The following ANKRD36 variants were observed in gnomAD, a reference collection of about 807,000 sequenced individuals.
ANKRD36 encodes the protein ankyrin repeat domain 36.
Under a neutral mutation model 278.1 loss-of-function variants are expected in ANKRD36, and 179 were observed. The observed-to-expected ratio is 0.64, with a 90% CI of 0.57 to 0.73. The LOEUF (loss-of-function observed/expected upper bound fraction) is 0.73. Among genes scored for constraint, ANKRD36 ranks in the 30% least tolerant of loss-of-function variants. ANKRD36 has a pLI of 0.00. For synonymous variants in ANKRD36, 320 were observed against 641.1 expected, an observed-to-expected ratio of 0.50 and a Z score of 7.57; for missense variants, 1,159 against 1,956.7, an observed-to-expected ratio of 0.59 and a Z score of 7.69.
chr2:97,233,520 T>C (rs944735757), intron 67 of ANKRD36, among the ~76,000 whole-genome samples: 1 of 152,074 alleles, frequency 6.6e-6, no homozygotes, highest in Non-Finnish European at 1.5e-5. Context: ...GTTTTCTAAA[T>C]AGCACAGGAA....
chr2:97,154,785 C>G, intron 15 of ANKRD36, 44 bp downstream of exon 15: 1 of 1,389,588 alleles, frequency 7.2e-7, no homozygotes, highest in Non-Finnish European at 9.7e-7. Flanking sequence ...TTCTGAATCT[C>G]ATTTTTTGTA....
At chr2:97,127,043 A>T in intron 5 of ANKRD36, 24 bp from the exon 6 acceptor site, 2 of 947,736 alleles carry the variant, frequency 2.1e-6, no homozygotes, top group Non-Finnish European at 3.1e-6. Flanking sequence ...TTAAAATATT[A>T]ATTTCATTTA....
At chr2:97,158,209 CTT>C in intron 16 of ANKRD36, 42 bp downstream of exon 16, 1 of 1,341,810 alleles carries the variant, frequency 7.5e-7, no homozygotes, top group Non-Finnish European at 1.0e-6. Flanking sequence ...TCTACTGAAT[CTT>C]TTTTTTTCTT....
chr2:97,123,636 T>TAA lies in ANKRD36; in HGVS notation c.593+644_593+645dup, dbSNP rs1292501724. Among the ~76,000 whole-genome samples, 27 of 95,462 alleles carry TAA rather than the reference T, an allele frequency of 2.8e-4. 2 individuals carry two copies. Among genetic ancestry groups the TAA allele is most frequent in the East Asian group, 1.8e-3 (8 of 4,478 alleles). 62.6% of individuals were successfully genotyped at this position (95,462 alleles called of 152,430 possible). On this transcript the variant is annotated intron_variant, in intron 4 of 75. Coordinates refer to ENST00000420699, the MANE Select transcript of ANKRD36 (RefSeq NM_001354587.1). ...CATTATATATATATATATATATATA[T>TAA]AATGTTAGAATGTCCAGCTAACAGA...
intron 75 of ANKRD36, among the ~76,000 whole-genome samples, chr2:97,260,347 GATAT>G (rs71218080): frequency 0.043 from 4,971 of 115,840 alleles, 75 homozygotes; most frequent in African/African-American, 0.11. Flanking sequence ...TATTTTAAAA[GATAT>G]ATATATATAT....
chr2:97,218,860 G>A (rs1488324919), intron 64 of ANKRD36, among the ~76,000 whole-genome samples, 190 bp from the exon 65 acceptor site: 2 of 142,578 alleles, frequency 1.4e-5, no homozygotes, highest in Non-Finnish European at 3.0e-5. Context: ...TGTATGTTTT[G>A]AAGCTTGTAT....
intron 64 of ANKRD36, among the ~76,000 whole-genome samples, chr2:97,218,692 C>T (rs2066594399): frequency 1.3e-5 from 2 of 152,108 alleles, no homozygotes; most frequent in Non-Finnish European, 2.9e-5. Context: ...GTCATGCAGT[C>T]GCAGTTAGCA....
At chr2:97,221,955 A>G (rs1156890231) in intron 66 of ANKRD36, among the ~76,000 whole-genome samples, 101 of 148,118 alleles carry the variant, frequency 6.8e-4, no homozygotes, top group Non-Finnish European at 1.2e-3. Context: ...TGATTTTTGT[A>G]TAAGGTGTAA....
chr2:97,142,769 A>G lies in ANKRD36; in HGVS notation c.835A>G (p.Ser279Gly), dbSNP rs745451855. The G allele has an allele frequency of 2.3e-5, 36 of 1,585,114 alleles. No individual in the cohort carries two copies. The Middle Eastern group carries it at 6.6e-4, about 29-fold the overall frequency. ...SQKQPALKAT[S>G]GKEDSISNIA... is the part of the protein sequence containing the mutation. ...TGTTTCAAATCCCACTCAGGCTACA[A>G]GTGGCAAGGAAGATTCTATTTCAAA... The change falls in exon 8 of 76, where the codon AGT (serine) becomes GGT (glycine). Residue 279 changes from serine to glycine, a missense_variant. By Grantham distance (56) the Ser-to-Gly change is moderately conservative. Transcript: ENST00000420699.
rs753011736 is a variant in ANKRD36, at chr2:97,207,850, T to C, written c.3192+11T>C. 24 of 1,546,278 alleles carry C rather than the reference T, an allele frequency of 1.6e-5. No homozygotes were observed. The Admixed American group carries it at 4.5e-4, about 29-fold the overall frequency. On this transcript the variant is annotated intron_variant, in intron 53 of 75. Coordinates refer to ENST00000420699, the MANE Select transcript of ANKRD36 (RefSeq NM_001354587.1). ...CCATCAGGCTTGAAGGTAATGAAAC[T>C]GTCATTTATATTGTGAACTAGTAAA...
intron 66 of ANKRD36, among the ~76,000 whole-genome samples, chr2:97,221,010 G>C (rs1217218838): frequency 8.3e-5 from 8 of 96,502 alleles, no homozygotes; most frequent in Admixed American, 1.2e-4. Context: ...TCCCACCTAT[G>C]AGTGAGAATA....
At position 97,132,009 on chromosome 2, in the gene ANKRD36, A is replaced by G. The variant is rs1198448452; in HGVS notation, c.799+4875A>G. On this transcript the variant is annotated intron_variant, in intron 6 of 75. Transcript: ENST00000420699. ...ACGCCCAGCTAATTTTTATATTTTT[A>G]GTAGAGTCGGGGTTTCACCGTGTTA... Among the ~76,000 whole-genome samples the G allele has an allele frequency of 7.2e-5, 11 of 151,852 alleles. 1 individual carries two copies. Among genetic ancestry groups the G allele is most frequent in the Admixed American group, 5.9e-4 (9 of 15,174 alleles).
At chr2:97,152,598 G>C (rs1156268694) in intron 14 of ANKRD36, 64 bp downstream of exon 14, 15 of 1,355,034 alleles carry the variant, frequency 1.1e-5, no homozygotes, top group South Asian at 1.0e-4. Context: ...AGAGAAACTA[G>C]TATTTGTTTA....
At chr2:97,136,843 ATTT>A (rs1483212644) in intron 6 of ANKRD36, among the ~76,000 whole-genome samples, 1 of 151,974 alleles carries the variant, frequency 6.6e-6, no homozygotes, top group African/African-American at 2.4e-5. Flanking sequence ...TAATGATGCC[ATTT>A]TCTGTCAGTG....
intron 12 of ANKRD36, 32 bp from the exon 13 acceptor site, chr2:97,151,847 T>C (rs753104575): frequency 8.3e-6 from 10 of 1,207,058 alleles, no homozygotes; most frequent in Non-Finnish European, 1.2e-6. Context: ...TTGCTCCATG[T>C]TATTCTTAAA....
intron 42 of ANKRD36, among the ~76,000 whole-genome samples, chr2:97,197,368 T>G (rs1373419405): frequency 2.6e-5 from 4 of 152,068 alleles, no homozygotes; most frequent in Middle Eastern, 3.4e-3. Context: ...ATACTTGATT[T>G]TGGCTGCTGC....
intron 6 of ANKRD36, among the ~76,000 whole-genome samples, chr2:97,127,514 G>T (rs866052582): frequency 6.6e-6 from 1 of 151,764 alleles, no homozygotes; most frequent in African/African-American, 2.4e-5. Context: ...ATTACTAAAT[G>T]AATCAATAAT....
intron 66 of ANKRD36, among the ~76,000 whole-genome samples, chr2:97,220,775 A>AATT (rs2067350287): frequency 2.4e-4 from 15 of 62,716 alleles, no homozygotes; most frequent in African/African-American, 9.6e-4. Flanking sequence ...TTTTTTTTTA[A>AATT]TTTTTTTTTT....
At position 97,190,125 on chromosome 2, in the gene ANKRD36, G is replaced by A. The variant is rs181518015; in HGVS notation, c.2245+835G>A. 2.2e-3 allele frequency among the ~76,000 whole-genome samples: 197 copies of A among 89,150 alleles called. 40 individuals carry two copies. The highest frequency in any genetic ancestry group is 0.018 in the East Asian group (80 of 4,500). 58.5% of individuals were successfully genotyped at this position (89,150 alleles called of 152,430 possible). On this transcript the variant is annotated intron_variant, in intron 34 of 75. Coordinates refer to ENST00000420699, the MANE Select transcript of ANKRD36 (RefSeq NM_001354587.1). ...AGAACAACATGATACTCCCAAGAAGGCTATTTTAGAAACAAAAATTATGTT... is the reference window on the plus strand; with the variant it reads ...AGAACAACATGATACTCCCAAGAAGACTATTTTAGAAACAAAAATTATGTT...
Sources: gnomAD v4.1 joint callset for allele counts (sites outside exome capture counted in the v4.1 genomes callset) on GRCh38, gnomAD v4.1.1 for gene constraint, MANE v1.5 for transcripts, NCBI Gene and HGNC (gene_info 2026-07-23, HGNC 2026-07-21) for gene names.